The following C3orf70 variants were observed in gnomAD, a reference collection of about 807,000 sequenced individuals.
C3orf70 encodes UPF0524 protein C3orf70.
A neutral mutation model predicts 20.7 loss-of-function variants in C3orf70; 15 were observed. That is an observed-to-expected ratio of 0.72 (90% confidence interval 0.48 to 1.11). The LOEUF is 1.11. Ranked by LOEUF, C3orf70 falls within the 50% of genes most tolerant of loss-of-function variation. C3orf70 has a pLI of 0.00. For synonymous variants in C3orf70, 161 were observed against 125.7 expected, an observed-to-expected ratio of 1.28 and a Z score of -1.88; for missense variants, 332 against 317.6, an observed-to-expected ratio of 1.05 and a Z score of -0.34.
chr3:185,120,804 C>G (rs1249220588), intron 1 of C3orf70, among the ~76,000 whole-genome samples: 1 of 151,216 alleles, frequency 6.6e-6, no homozygotes, highest in Non-Finnish European at 1.5e-5. Context: ...AGTACAACCA[C>G]TATGGAAAAC....
chr3:185,113,272 C>T (rs1488665564), intron 1 of C3orf70, among the ~76,000 whole-genome samples: 5 of 21,724 alleles, frequency 2.3e-4, no homozygotes, highest in Admixed American at 8.3e-4. Context: ...AACCCCATCT[C>T]TACTAAAAAA....
At chr3:185,129,482 G>A (rs1716483975) in intron 1 of C3orf70, among the ~76,000 whole-genome samples, 1 of 152,136 alleles carries the variant, frequency 6.6e-6, no homozygotes, top group Non-Finnish European at 1.5e-5. Context: ...CCACTGATGG[G>A]CACACGTAGG....
intron 1 of C3orf70, among the ~76,000 whole-genome samples, chr3:185,091,961 ATATTTTTTT>A (rs1561331162): frequency 1.9e-3 from 14 of 7,210 alleles, no homozygotes; most frequent in East Asian, 9.6e-3. Flanking sequence ...ATATATATAT[ATATTTTTTT>A]TTTTTTTTAG....
At chr3:185,148,543 A>G (rs1459035266) in intron 1 of C3orf70, among the ~76,000 whole-genome samples, 1 of 152,210 alleles carries the variant, frequency 6.6e-6, no homozygotes, top group Non-Finnish European at 1.5e-5. Context: ...AAGTATTCTA[A>G]GTAGCCACAA....
In C3orf70 at chr3:185,083,581, G is replaced by T; in HGVS notation, c.197-18C>A. ...GTATTTGCCTGTGAAGACACAAAAA[G>T]ACACTTGAAATCTATATTACACAAA... On this transcript the variant is annotated intron_variant, in intron 1 of 1. Transcript: ENST00000335012. 6.5e-7 allele frequency: 1 copy of T among 1,546,544 alleles called. No individual in the cohort carries two copies. Among genetic ancestry groups the T allele is most frequent in the South Asian group, 1.3e-5 (1 of 79,864 alleles).
intron 1 of C3orf70, among the ~76,000 whole-genome samples, chr3:185,102,395 C>A (rs1715840638): frequency 6.6e-6 from 1 of 152,116 alleles, no homozygotes; most frequent in African/African-American, 2.4e-5. Flanking sequence ...AAATACTGCT[C>A]AAAGAAATCA....
At chr3:185,088,418 C>A (rs1485479412) in intron 1 of C3orf70, among the ~76,000 whole-genome samples, 1 of 152,112 alleles carries the variant, frequency 6.6e-6, no homozygotes, top group Non-Finnish European at 1.5e-5. Flanking sequence ...ATGTCAACAC[C>A]TTGGTTGTGA....
At chr3:185,095,221 T>C (rs1255151882) in intron 1 of C3orf70, among the ~76,000 whole-genome samples, 1 of 152,172 alleles carries the variant, frequency 6.6e-6, no homozygotes, top group Admixed American at 6.5e-5. Flanking sequence ...AAATCACTAG[T>C]GCGTGGGTTG....
chr3:185,080,031 G>GT lies in C3orf70; in HGVS notation c.*2975dup, dbSNP rs1214542403. ...GTGAAACTACAATCTGTTTCAGTTG[G>GT]TTTTGGAATGCAAGCATAAAGAAAC... is the stretch of plus-strand genomic sequence containing the variant. On this transcript the variant is annotated 3_prime_UTR_variant, in exon 2 of 2. Transcript: ENST00000335012. 1 of 152,628 alleles carries GT rather than the reference G, an allele frequency of 6.6e-6. No individual in the cohort carries two copies. Among genetic ancestry groups the GT allele is most frequent in the African/African-American group, 2.4e-5 (1 of 41,442 alleles). 9.5% of individuals were successfully genotyped at this position (152,628 alleles called of 1,614,324 possible).
At chr3:185,148,806 G>A (rs377120479) in intron 1 of C3orf70, among the ~76,000 whole-genome samples, 6 of 152,122 alleles carry the variant, frequency 3.9e-5, no homozygotes, top group South Asian at 2.1e-4. Flanking sequence ...TCAAAAATGC[G>A]CCATTACCCA....
At chr3:185,134,600 C>G (rs183031726) in intron 1 of C3orf70, among the ~76,000 whole-genome samples, 26 of 152,264 alleles carry the variant, frequency 1.7e-4, no homozygotes, top group Admixed American at 7.2e-4. Flanking sequence ...CCTGCTCTCT[C>G]TAGCCAATGG....
At chr3:185,132,601 T>C (rs1340229523) in intron 1 of C3orf70, among the ~76,000 whole-genome samples, 2 of 151,854 alleles carry the variant, frequency 1.3e-5, no homozygotes, top group African/African-American at 4.8e-5. Context: ...AAACAGACAA[T>C]ATAAAATAAA....
intron 1 of C3orf70, among the ~76,000 whole-genome samples, chr3:185,099,316 C>A (rs1262846396): frequency 1.3e-5 from 2 of 152,138 alleles, no homozygotes; most frequent in Non-Finnish European, 2.9e-5. Flanking sequence ...TTAAAGGCAG[C>A]TAGACAGAAA....
rs1176382685 is a variant in C3orf70 at position 185,152,831 on chromosome 3, C to A, written c.-8G>T. ...CGAGGCCGCCGCACTCATTTCCTCT[C>A]CCTCCGCGCGGAGCCGACACCGGGA... is the stretch of plus-strand genomic sequence containing the variant. On this transcript the variant is annotated 5_prime_UTR_variant, in exon 1 of 2. Transcript: ENST00000335012. 1.3e-6 allele frequency: 2 copies of A among 1,528,258 alleles called. No homozygotes were observed. Among genetic ancestry groups the A allele is most frequent in the Non-Finnish European group, 1.8e-6 (2 of 1,132,326 alleles). 94.7% of individuals were successfully genotyped at this position (1,528,258 alleles called of 1,614,324 possible).
At chr3:185,110,703 G>A (rs920252277) in intron 1 of C3orf70, among the ~76,000 whole-genome samples, 10 of 152,360 alleles carry the variant, frequency 6.6e-5, no homozygotes, top group South Asian at 2.1e-4. Context: ...CACCCAGGGC[G>A]GAAAACCGCT....
rs142755184 is a variant in C3orf70, at chr3:185,128,734, A to G, written c.196+23894T>C. ...AACAGATAAACAGATGCCTGATTGA[A>G]GTAGAATGGGGGACCCAGCACAGGT... On this transcript the variant is annotated intron_variant, in intron 1 of 1. Transcript: ENST00000335012. Among the ~76,000 whole-genome samples, 7 of 152,320 alleles carry G rather than the reference A, an allele frequency of 4.6e-5. No homozygotes were observed. The East Asian group carries it at 1.4e-3, about 29-fold the overall frequency.
chr3:185,119,641 G>A (rs926260459), intron 1 of C3orf70, among the ~76,000 whole-genome samples: 1 of 151,974 alleles, frequency 6.6e-6, no homozygotes, highest in Non-Finnish European at 1.5e-5. Flanking sequence ...GTTAATCTCC[G>A]AATTTTTCAG....
chr3:185,123,623 C>T (rs9843605), intron 1 of C3orf70, among the ~76,000 whole-genome samples: 7,860 of 151,840 alleles, frequency 0.052, 665 homozygotes, highest in African/African-American at 0.18. Flanking sequence ...TATAGGGACA[C>T]ACCATGGTCC....
intron 1 of C3orf70, among the ~76,000 whole-genome samples, chr3:185,084,927 G>A (rs760070095): frequency 6.6e-6 from 1 of 152,170 alleles, no homozygotes; most frequent in Non-Finnish European, 1.5e-5. Context: ...GGTTCATGTT[G>A]TATCTTCTGC....
Sources: gnomAD v4.1 joint callset for allele counts (sites outside exome capture counted in the v4.1 genomes callset) on GRCh38, gnomAD v4.1.1 for gene constraint, MANE v1.5 for transcripts, NCBI Gene and HGNC (gene_info 2026-07-23, HGNC 2026-07-21) for gene names.